Variants in C2CD2 observed in about 807,000 individuals in gnomAD.
The protein encoded by C2CD2 is C2 calcium dependent domain containing 2.
Under a neutral mutation model 74.3 loss-of-function variants are expected in C2CD2, and 43 were observed. The observed-to-expected ratio is 0.58, with a 90% CI of 0.45 to 0.75. C2CD2 has a LOEUF of 0.75. Ranked by LOEUF, C2CD2 falls within the 30% of genes least tolerant of loss-of-function variation. The pLI is 0.00. For synonymous variants in C2CD2, 422 were observed against 390.7 expected (o/e 1.08, Z -0.94); for missense variants, 801 against 916.3 (o/e 0.87, Z 1.63).
At position 41,941,058 on chromosome 21, in the gene C2CD2, A is replaced by G. The variant is rs931357158; in HGVS notation, c.378+1089T>C. On this transcript the variant is annotated intron_variant, in intron 2 of 13. Coordinates refer to ENST00000380486, the MANE Select transcript of C2CD2 (RefSeq NM_015500.2). ...AGTACAAGGGTAAGATTTGTATTGA[A>G]GAGAAAATTTCAGCTGGTCATGGAG... 3.9e-5 allele frequency among the ~76,000 whole-genome samples: 6 copies of G among 152,286 alleles called. No homozygotes were observed. The East Asian group carries it at 1.2e-3, about 29-fold the overall frequency.
chr21:41,941,839 C>T (rs1182150313), intron 2 of C2CD2, among the ~76,000 whole-genome samples: 1 of 152,170 alleles, frequency 6.6e-6, no homozygotes, highest in African/African-American at 2.4e-5. Flanking sequence ...CTGGATGGTT[C>T]ATATAAATGG....
At chr21:41,938,300 G>A (rs2065325807) in intron 2 of C2CD2, among the ~76,000 whole-genome samples, 1 of 152,064 alleles carries the variant, frequency 6.6e-6, no homozygotes, top group Admixed American at 6.5e-5. Flanking sequence ...CATAGCTCAG[G>A]TAAAGGAAGG....
At chr21:41,917,776 C>T (rs1274638453) in intron 5 of C2CD2, among the ~76,000 whole-genome samples, 1 of 152,184 alleles carries the variant, frequency 6.6e-6, no homozygotes, top group Non-Finnish European at 1.5e-5. Flanking sequence ...GTCTATCCCA[C>T]CCACCTGGCT....
At position 41,888,657 on chromosome 21, in the gene C2CD2, G is replaced by A. The variant is rs2064711300; in HGVS notation, c.*467C>T. ...TTTTTTATTCCAAGCAGCAGATGAA[G>A]AGAGGTGACCCATCCTTTCCATTCA... On this transcript the variant is annotated 3_prime_UTR_variant, in exon 14 of 14. Transcript: ENST00000380486. 6.0e-6 allele frequency: 1 copy of A among 167,046 alleles called. No individual in the cohort carries two copies. The highest frequency in any genetic ancestry group is 2.4e-5 in the African/African-American group (1 of 41,828). 10.3% of individuals were successfully genotyped at this position (167,046 alleles called of 1,614,324 possible).
chr21:41,914,101 C>T (rs2146183428), intron 6 of C2CD2, among the ~76,000 whole-genome samples: 1 of 152,186 alleles, frequency 6.6e-6, no homozygotes, highest in South Asian at 2.1e-4. Context: ...TGGTGCACGC[C>T]TGTAATCCCA....
chr21:41,937,264 C>T lies in C2CD2; in HGVS notation c.378+4883G>A, dbSNP rs181015534. Among the ~76,000 whole-genome samples the T allele has an allele frequency of 6.6e-5, 10 of 151,612 alleles. No homozygotes were observed. In the East Asian group the frequency reaches 1.8e-3, roughly 27 times the overall value. On this transcript the variant is annotated intron_variant, in intron 2 of 13. Coordinates refer to ENST00000380486, the MANE Select transcript of C2CD2 (RefSeq NM_015500.2). ...CCTGAGTAGCTGGGATTACAGGCAC[C>T]CATCACCACGCTCGGCTAATTTTTC...
intron 2 of C2CD2, among the ~76,000 whole-genome samples, chr21:41,941,488 G>T (rs781218097): frequency 6.6e-6 from 1 of 152,154 alleles, no homozygotes; most frequent in Non-Finnish European, 1.5e-5. Context: ...ACAGGAAAAT[G>T]AATTCTACAT....
At chr21:41,900,068 G>A (rs777272718) in intron 12 of C2CD2, among the ~76,000 whole-genome samples, 33 of 151,988 alleles carry the variant, frequency 2.2e-4, no homozygotes, top group Non-Finnish European at 3.8e-4. Context: ...CTGTGGAAGC[G>A]CCCACTGACT....
chr21:41,929,761 T>A lies in C2CD2; in HGVS notation c.379-7676A>T, dbSNP rs1003559679. ...CAAGTGTCCAGCTCAGCTCCTGCCCTCATCAGCAAGTTTTCCAAATGAAAG... is the reference window on the plus strand; with the variant it reads ...CAAGTGTCCAGCTCAGCTCCTGCCCACATCAGCAAGTTTTCCAAATGAAAG... On this transcript the variant is annotated intron_variant, in intron 2 of 13. Coordinates refer to ENST00000380486, the MANE Select transcript of C2CD2 (RefSeq NM_015500.2). The surrounding 1 kb of genome is among the most constrained non-coding windows in gnomAD (Gnocchi z 4.6). 2.0e-5 allele frequency among the ~76,000 whole-genome samples: 3 copies of A among 152,186 alleles called. No individual in the cohort carries two copies. Among genetic ancestry groups the A allele is most frequent in the African/African-American group, 7.2e-5 (3 of 41,434 alleles).
rs772199385 is a variant in C2CD2 at position 41,912,380 on chromosome 21, G to A, written c.905C>T (p.Thr302Ile). Reference protein sequence around the residue: ...LNDPVQRFSSTLTKNTPDLMW... With the variant: ...LNDPVQRFSSILTKNTPDLMW... ...GAGGTCCGGAGTGTTTTTCGTCAGG[G>A]TGCTGGAGAACCTCTGAACAGGATC... The change falls in exon 7 of 14, where the codon ACC becomes ATC. Residue 302 changes from threonine (T) to isoleucine (I), a missense_variant. By Grantham distance (89) the Thr-to-Ile change is moderately conservative (BLOSUM62 -1). Coordinates refer to ENST00000380486, the MANE Select transcript of C2CD2 (RefSeq NM_015500.2). 36 of 1,612,658 alleles carry A rather than the reference G, an allele frequency of 2.2e-5. 1 individual carries two copies. The highest frequency in any genetic ancestry group is 3.0e-5 in the Non-Finnish European group (35 of 1,179,844).
At chr21:41,894,932 G>A (rs1008096830) in intron 13 of C2CD2, 14 of 456,568 alleles carry the variant, frequency 3.1e-5, no homozygotes, top group African/African-American at 1.0e-4. Context: ...GGAATGTACC[G>A]GTCTGCCCAC....
intron 11 of C2CD2, among the ~76,000 whole-genome samples, chr21:41,902,388 C>T (rs2064909979): frequency 6.6e-6 from 1 of 152,156 alleles, no homozygotes; most frequent in Non-Finnish European, 1.5e-5. Context: ...TACGGCAAAC[C>T]AGGTGCTGTT....
Position 41,889,182 on chromosome 21 carries a change from A to C in C2CD2, c.2033T>G (p.Leu678Arg), listed in dbSNP as rs2064717948. ...GGTGTTCTTGTTTCTGTGCCTGGAG[A>C]GCAGCTTCTTGTTCAGGATCCTGGT... The part of the protein sequence containing the change: ...TLTRILNKKL[L>R]SRHRNKNTMN... The change falls in exon 14 of 14, where the codon CTC (leucine) becomes CGC (arginine). Residue 678 changes from leucine (L) to arginine (R), a missense_variant. Transcript: ENST00000380486. 6.2e-7 allele frequency: 1 copy of C among 1,612,764 alleles called. No individual in the cohort carries two copies. Among genetic ancestry groups the C allele is most frequent in the Admixed American group, 1.7e-5 (1 of 60,004 alleles).
intron 2 of C2CD2, 24 bp downstream of exon 2, chr21:41,942,123 C>T: frequency 6.5e-7 from 1 of 1,547,892 alleles, no homozygotes. Context: ...CCTCTTCCTG[C>T]AGGGAATGGG....
chr21:41,942,843 C>T (rs2065366439), intron 1 of C2CD2: 2 of 370,106 alleles, frequency 5.4e-6, no homozygotes, highest in South Asian at 1.1e-4. Context: ...GAAATGAACC[C>T]GCCTGGTGGC....
chr21:41,886,797 C>T lies in C2CD2; in HGVS notation c.*2327G>A, dbSNP rs930389311. The T allele has an allele frequency of 6.6e-6, 1 of 152,014 alleles. No individual in the cohort carries two copies. Among genetic ancestry groups the T allele is most frequent in the Non-Finnish European group, 1.5e-5 (1 of 68,052 alleles). 9.4% of individuals were successfully genotyped at this position (152,014 alleles called of 1,614,324 possible). ...GTCAGGAGTTCGAGACCAGCCTGACCAACATGGTGAGACTCCATTTCTACT... is the reference window on the plus strand; with the variant it reads ...GTCAGGAGTTCGAGACCAGCCTGACTAACATGGTGAGACTCCATTTCTACT... On this transcript the variant is annotated 3_prime_UTR_variant, in exon 14 of 14. Transcript: ENST00000380486.
At chr21:41,935,376 T>C (rs1374163594) in intron 2 of C2CD2, among the ~76,000 whole-genome samples, 1 of 152,212 alleles carries the variant, frequency 6.6e-6, no homozygotes, top group Non-Finnish European at 1.5e-5. Context: ...GTGTTTTTAT[T>C]AAATATTCTT....
chr21:41,935,247 G>T (rs1437887052), intron 2 of C2CD2, among the ~76,000 whole-genome samples: 1 of 152,056 alleles, frequency 6.6e-6, no homozygotes, highest in Non-Finnish European at 1.5e-5. Flanking sequence ...GTAACATGGG[G>T]GAAAGAATAT....
rs1213971025 is a variant in C2CD2, at chr21:41,924,862, G to A, written c.379-2777C>T. 6.6e-6 allele frequency among the ~76,000 whole-genome samples: 1 copy of A among 152,098 alleles called. No homozygotes were observed. Among genetic ancestry groups the A allele is most frequent in the African/African-American group, 2.4e-5 (1 of 41,404 alleles). On this transcript the variant is annotated intron_variant, in intron 2 of 13. Transcript: ENST00000380486. This position sits in a 1 kb window ranked among gnomAD's most constrained non-coding sequence, Gnocchi z 4.4. ...TTCATTTTCTTTCGTATCCAGTTCT[G>A]CAGAAAGCTTCCCACCACGCACTCC...
Sources: allele counts gnomAD v4.1 joint callset (sites outside exome capture counted in the v4.1 genomes callset), GRCh38; gene constraint gnomAD v4.1.1; non-coding constraint Gnocchi (gnomAD v3.1); transcripts MANE v1.5; gene names NCBI Gene and HGNC (gene_info 2026-07-23, HGNC 2026-07-21).